The following SFXN4 variants were observed in gnomAD, a reference collection of about 807,000 sequenced individuals.
The protein encoded by SFXN4 is sideroflexin-4.
In SFXN4, 48 loss-of-function variants were observed where a neutral mutation model predicts 54.6. The observed-to-expected ratio is 0.88, with a 90% CI of 0.70 to 1.12. The LOEUF (loss-of-function observed/expected upper bound fraction) is 1.12, where lower values mean the gene tolerates loss of function less well. Ranked by LOEUF, SFXN4 falls within the 50% of genes most tolerant of loss-of-function variation. The pLI is 0.00. For synonymous variants in SFXN4, 130 were observed against 145.5 expected (o/e 0.89, Z 0.77); for missense variants, 383 against 409.2 (o/e 0.94, Z 0.55).
Position 119,141,313 on chromosome 10 carries a change from A to T in SFXN4, c.943T>A (p.Tyr315Asn). ...SIFPQIGQIQ[Y>N]CSLEEKIQSP... ...TGAATTTTCTCTTCAAGACTACAGTACTGTATCTGAAAAATAGTTAAATTC... is the reference window on the plus strand; with the variant it reads ...TGAATTTTCTCTTCAAGACTACAGTTCTGTATCTGAAAAATAGTTAAATTC... The change falls in exon 14 of 14, where the codon TAC becomes AAC. Residue 315 changes from tyrosine to asparagine, a missense_variant. Tyr to Asn is a moderately radical substitution (Grantham distance 143). Coordinates refer to ENST00000355697, the MANE Select transcript of SFXN4 (RefSeq NM_213649.2). 6.3e-7 allele frequency: 1 copy of T among 1,575,566 alleles called. No homozygotes were observed. The highest frequency in any genetic ancestry group is 8.7e-7 in the Non-Finnish European group (1 of 1,153,030).
chr10:119,153,259 G>C (rs1402598264), intron 11 of SFXN4, among the ~76,000 whole-genome samples: 1 of 151,838 alleles, frequency 6.6e-6, no homozygotes, highest in East Asian at 1.9e-4. Flanking sequence ...AAAAGCACAA[G>C]CATGAGCCAG....
intron 1 of SFXN4, among the ~76,000 whole-genome samples, chr10:119,164,663 G>C (rs2133638674): frequency 6.6e-6 from 1 of 152,140 alleles, no homozygotes; most frequent in East Asian, 1.9e-4. Flanking sequence ...GTCACACTGG[G>C]GAAAAAGAGG....
At position 119,162,344 on chromosome 10, in the gene SFXN4, T is replaced by C; in HGVS notation, c.248A>G (p.Gln83Arg). ...ACCTGAGCACGTGAAACATACCCTT[T>C]GGTCCGCCGAGGCAGGGCTGGAAAC... ...EDVSSPASADQRIQEAWKRSL... is the reference protein window; with the variant it reads ...EDVSSPASADRRIQEAWKRSL... The change falls in exon 3 of 14, where the codon CAA becomes CGA. Residue 83 changes from glutamine (Q) to arginine (R), a missense_variant. Coordinates refer to ENST00000355697, the MANE Select transcript of SFXN4 (RefSeq NM_213649.2). 6.2e-7 allele frequency: 1 copy of C among 1,614,078 alleles called. No individual in the cohort carries two copies. The highest frequency in any genetic ancestry group is 2.2e-5 in the East Asian group (1 of 44,878).
Position 119,165,004 on chromosome 10 carries a change from G to A in SFXN4, c.111+533C>T, listed in dbSNP as rs1304159302. 2.9e-4 allele frequency among the ~76,000 whole-genome samples: 35 copies of A among 121,430 alleles called. No homozygotes were observed. The Admixed American group carries it at 3.2e-3, about 11-fold the overall frequency. The allele number at this position is 121,430 out of a possible 152,430, so 79.7% of individuals were successfully genotyped here. On this transcript the variant is annotated intron_variant, in intron 1 of 13. Coordinates refer to ENST00000355697, the MANE Select transcript of SFXN4 (RefSeq NM_213649.2). ...TTGCACCTGCTAGGCTAAATGTACT[G>A]TATTGTTAAAAATTTCAGCTGTTTT...
At chr10:119,161,434 A>AACC (rs1384343917) in intron 3 of SFXN4, among the ~76,000 whole-genome samples, 1 of 124,452 alleles carries the variant, frequency 8.0e-6, no homozygotes, top group East Asian at 2.1e-4. Context: ...CAACAAAAAA[A>AACC]AACAAAAAAA....
At chr10:119,159,891 C>T (rs1409077882) in intron 5 of SFXN4, 138 bp from the exon 6 acceptor site, 3 of 868,258 alleles carry the variant, frequency 3.5e-6, no homozygotes, top group Non-Finnish European at 5.6e-6. Context: ...TCCACTCATT[C>T]TTTGTTTTTC....
chr10:119,158,536 A>C (rs1192737712), intron 6 of SFXN4, among the ~76,000 whole-genome samples: 1 of 148,982 alleles, frequency 6.7e-6, no homozygotes, highest in African/African-American at 2.5e-5. Context: ...GAATCGCTTG[A>C]ATCTGGAAGG....
At chr10:119,144,339 C>T (rs947944035) in intron 13 of SFXN4, among the ~76,000 whole-genome samples, 1 of 152,034 alleles carries the variant, frequency 6.6e-6, no homozygotes, top group Middle Eastern at 3.2e-3. Flanking sequence ...CGCCTGTAGT[C>T]CCAGCTACTC....
At chr10:119,153,202 G>C (rs1199079893) in intron 11 of SFXN4, among the ~76,000 whole-genome samples, 1 of 151,978 alleles carries the variant, frequency 6.6e-6, no homozygotes, top group Non-Finnish European at 1.5e-5. Context: ...CTTGAGCTCA[G>C]GAGTTTGAGA....
Position 119,146,342 on chromosome 10 carries a change from A to G in SFXN4, c.830T>C (p.Phe277Ser), listed in dbSNP as rs150630438. Residue 277 changes from phenylalanine to serine, a missense_variant, in exon 13 of 14, where the codon TTC becomes TCC. Phe to Ser is a radical substitution (Grantham distance 155). Transcript: ENST00000355697. ...CCACAATGACCCTGGGTTTTTCCTG[A>G]AATACTGGGTCCTGTAAGAGACAAG... ...FTYFFKRTQYFRKNPGSLWIL... is the reference protein window; with the variant it reads ...FTYFFKRTQYSRKNPGSLWIL... 1.0e-5 allele frequency: 16 copies of G among 1,607,236 alleles called. No homozygotes were observed. The highest frequency in any genetic ancestry group is 1.3e-5 in the African/African-American group (1 of 74,740).
intron 11 of SFXN4, among the ~76,000 whole-genome samples, chr10:119,151,328 C>T (rs1285208899): frequency 2.0e-5 from 3 of 146,866 alleles, no homozygotes; most frequent in African/African-American, 7.6e-5. Context: ...AAGATCGCAC[C>T]ATTGCACTCC....
intron 2 of SFXN4, 124 bp from the exon 3 acceptor site, chr10:119,162,538 G>A: frequency 1.4e-6 from 1 of 721,022 alleles, no homozygotes; most frequent in Non-Finnish European, 2.4e-6. Context: ...CTGATTTCAA[G>A]CCACATGGTG....
At chr10:119,163,711 G>A (rs747191706) in intron 2 of SFXN4, among the ~76,000 whole-genome samples, 3 of 152,052 alleles carry the variant, frequency 2.0e-5, no homozygotes, top group East Asian at 1.9e-4. Context: ...TCAGATGTAC[G>A]CTTTTCCTTA....
chr10:119,160,902 A>C lies in SFXN4; in HGVS notation c.334+13T>G. 3.7e-6 allele frequency: 6 copies of C among 1,613,840 alleles called. No homozygotes were observed. Among genetic ancestry groups the C allele is most frequent in the Non-Finnish European group, 5.1e-6 (6 of 1,179,720 alleles). ...TCTTCCCAACCCACTTCTGAAAATT[A>C]GAACCAACTCACCTGCAGGTCGAAA... On this transcript the variant is annotated intron_variant, in intron 5 of 13. Coordinates refer to ENST00000355697, the MANE Select transcript of SFXN4 (RefSeq NM_213649.2).
Position 119,160,978 on chromosome 10 carries a change from G to A in SFXN4, c.280-9C>T, listed in dbSNP as rs759177571. 3 of 1,614,164 alleles carry A rather than the reference G, an allele frequency of 1.9e-6. No homozygotes were observed. The highest frequency in any genetic ancestry group is 2.2e-5 in the South Asian group (2 of 91,082). On this transcript the variant is annotated splice_polypyrimidine_tract_variant and intron_variant, in intron 4 of 13. Coordinates refer to ENST00000355697, the MANE Select transcript of SFXN4 (RefSeq NM_213649.2). ...TCGGGATGCACTGTTGCCTTCAAAA[G>A]GAGAGATGCAAGGTTAGCTGGATGT... is the stretch of plus-strand genomic sequence containing the variant.
rs925759441 is a variant in SFXN4, at chr10:119,141,032, C to T, written c.*210G>A. 4.3e-5 allele frequency: 20 copies of T among 465,894 alleles called. No homozygotes were observed. The East Asian group carries it at 4.5e-4, about 11-fold the overall frequency. The allele number at this position is 465,894 out of a possible 1,614,324, so 28.9% of individuals were successfully genotyped here. A position where few individuals can be genotyped will look rare whatever the true frequency, so the allele number is the denominator to read the frequency against. ...CCTCAGCAACCCCAGGGGTGTCAGACGGGGCACCCTCCCACTGTCTTCTCC... is the reference window on the plus strand; with the variant it reads ...CCTCAGCAACCCCAGGGGTGTCAGATGGGGCACCCTCCCACTGTCTTCTCC... On this transcript the variant is annotated 3_prime_UTR_variant, in exon 14 of 14. Coordinates refer to ENST00000355697, the MANE Select transcript of SFXN4 (RefSeq NM_213649.2).
chr10:119,160,588 CTT>C (rs1199404439), intron 5 of SFXN4, among the ~76,000 whole-genome samples: 35,829 of 116,138 alleles, frequency 0.31, 5,163 homozygotes, highest in South Asian at 0.41. Flanking sequence ...GTTTTCTTTT[CTT>C]TTTTTTTTTT....
Position 119,165,701 on chromosome 10 carries a change from G to T in SFXN4, c.-54C>A. The T allele has an allele frequency of 7.3e-7, 1 of 1,376,162 alleles. No homozygotes were observed. 85.2% of individuals were successfully genotyped at this position (1,376,162 alleles called of 1,614,324 possible). On this transcript the variant is annotated 5_prime_UTR_variant, in exon 1 of 14. Transcript: ENST00000355697. ...CCAGGCCGCGCGTGGAGGAGGAGCC[G>T]GGCGGCGAGCCCCGCCCCGGGCCGC...
intron 2 of SFXN4, 60 bp from the exon 3 acceptor site, chr10:119,162,474 G>A: frequency 7.0e-7 from 1 of 1,436,534 alleles, no homozygotes; most frequent in Non-Finnish European, 9.8e-7. Flanking sequence ...TTTATCCCCA[G>A]AGGTAGGAAT....
Sources: gnomAD v4.1 joint callset for allele counts (sites outside exome capture counted in the v4.1 genomes callset) on GRCh38, gnomAD v4.1.1 for gene constraint, MANE v1.5 for transcripts, NCBI Gene and HGNC (gene_info 2026-07-23, HGNC 2026-07-21) for gene names.